MCM5: variants seen among roughly 807,000 people sequenced by gnomAD.
MCM5 encodes the protein minichromosome maintenance complex component 5.
MCM5 carries 46 observed loss-of-function variants against 79.9 expected under a neutral mutation model. That is an observed-to-expected ratio of 0.58 (90% CI 0.45 to 0.74). The LOEUF is 0.74. Among genes scored for constraint, MCM5 ranks in the 30% least tolerant of loss-of-function variants. MCM5 has a pLI of 0.00. For missense variants in MCM5, 883 were observed against 1,017.0 expected (o/e 0.87, Z 1.79); for synonymous variants, 404 against 390.5 (o/e 1.03, Z -0.41).
At chr22:35,449,341 C>T in the MCM5 span, among the ~76,000 whole-genome samples, 2 of 152,170 alleles carry the variant, frequency 1.3e-5, no homozygotes, top group African/African-American at 2.4e-5. Flanking sequence ...GGCCCAGGCT[C>T]CTTGCCCCTA....
the MCM5 span, among the ~76,000 whole-genome samples, chr22:35,435,368 G>T: frequency 3.3e-5 from 5 of 152,136 alleles, no homozygotes; most frequent in Non-Finnish European, 7.3e-5. Flanking sequence ...GTGGGGCCTC[G>T]ATGGGGACTT....
the MCM5 span, among the ~76,000 whole-genome samples, chr22:35,450,667 A>G: frequency 1.3e-5 from 2 of 152,160 alleles, no homozygotes; most frequent in African/African-American, 2.4e-5. Flanking sequence ...AGAAGATCCA[A>G]CCAACAACCC....
In MCM5 at chr22:35,401,322, A is replaced by T. The variant is rs146791778; in HGVS notation, c.167+717A>T. 1.8e-3 allele frequency: 831 copies of T among 453,326 alleles called. 7 individuals carry two copies. The highest frequency in any genetic ancestry group is 5.7e-3 in the South Asian group (360 of 63,268). 28.1% of individuals were successfully genotyped at this position (453,326 alleles called of 1,614,324 possible). On this transcript the variant is annotated intron_variant, in intron 2 of 16. Transcript: ENST00000216122. ...TTCCCTGTAGGTGTAAAAGGTGAAG[A>T]TGGCAGTTAGGATTCACTTCACTTC...
In MCM5 at chr22:35,424,610, G is replaced by C. The variant is rs1932760424; in HGVS notation, c.*355G>C. On this transcript the variant is annotated 3_prime_UTR_variant, in exon 17 of 17. Transcript: ENST00000216122. Reference sequence around the variant, plus strand: ...GCAGACTGGCCAGGGTTTCTGACTTGGATCTGCCACTCAGACTTCTGGGTA... The same window carrying C: ...GCAGACTGGCCAGGGTTTCTGACTTCGATCTGCCACTCAGACTTCTGGGTA... 5.2e-6 allele frequency: 1 copy of C among 191,100 alleles called. No individual in the cohort carries two copies. Among genetic ancestry groups the C allele is most frequent in the African/African-American group, 2.3e-5 (1 of 42,974 alleles). The allele number at this position is 191,100 out of a possible 1,614,324, so 11.8% of individuals were successfully genotyped here.
the MCM5 span, among the ~76,000 whole-genome samples, chr22:35,438,668 T>TCCATCCATCC: frequency 2.9e-5 from 1 of 34,194 alleles, no homozygotes; most frequent in African/African-American, 1.3e-4. Context: ...TCCATCCACA[T>TCCATCCATCC]ATTCACCCAT....
the MCM5 span, among the ~76,000 whole-genome samples, chr22:35,454,310 G>A: frequency 6.6e-6 from 1 of 152,114 alleles, no homozygotes; most frequent in Non-Finnish European, 1.5e-5. Context: ...TTACACCACA[G>A]GGGCGTCCTG....
intron 7 of MCM5, among the ~76,000 whole-genome samples, chr22:35,411,840 A>G (rs1403436646): frequency 1.3e-5 from 2 of 152,148 alleles, no homozygotes; most frequent in Non-Finnish European, 2.9e-5. Context: ...TGACATGTTC[A>G]CTTACATATC....
intron 7 of MCM5, chr22:35,411,286 GA>G (rs1357392119): frequency 5.7e-6 from 1 of 174,906 alleles, no homozygotes; most frequent in African/African-American, 2.4e-5. Flanking sequence ...GACCGCTGGG[GA>G]CATGTGGGTA....
At chr22:35,401,775 C>T (rs1452975593) in intron 2 of MCM5, 1 of 459,838 alleles carries the variant, frequency 2.2e-6, no homozygotes, top group African/African-American at 2.0e-5. Context: ...TGAAGACCAA[C>T]AGATAACTTC....
chr22:35,411,134 CAGA>C (rs1932371952), intron 7 of MCM5: 1 of 414,022 alleles, frequency 2.4e-6, no homozygotes, highest in Non-Finnish European at 4.3e-6. Context: ...AGGATTAAGG[CAGA>C]AGGACTGAGG....
In MCM5 at chr22:35,410,866, C is replaced by T; in HGVS notation, c.875C>T (p.Ser292Phe). ...RDRVGVGIRS[S>F]YIRVLGIQVD... The stretch of plus-strand genomic sequence containing the variant: ...AGGGTGGGCGTGGGCATCCGAAGCT[C>T]CTACATCCGTGTCCTGGGCATCCAG... The change falls in exon 7 of 17, where the codon TCC becomes TTC. Residue 292 changes from serine (S) to phenylalanine (F), a missense_variant. Transcript: ENST00000216122. 6.2e-7 allele frequency: 1 copy of T among 1,612,746 alleles called. No homozygotes were observed. Among genetic ancestry groups the T allele is most frequent in the Non-Finnish European group, 8.5e-7 (1 of 1,178,904 alleles).
the MCM5 span, among the ~76,000 whole-genome samples, chr22:35,451,541 G>A: frequency 6.6e-6 from 1 of 152,250 alleles, no homozygotes; most frequent in African/African-American, 2.4e-5. Context: ...CGGGCCTCGA[G>A]CCTGGCAGTG....
chr22:35,401,719 C>A, intron 2 of MCM5: 1 of 464,764 alleles, frequency 2.2e-6, no homozygotes, highest in East Asian at 6.9e-5. Flanking sequence ...GATGAAAAGA[C>A]GTGCTTCTTG....
the MCM5 span, among the ~76,000 whole-genome samples, chr22:35,438,505 AT>A: frequency 1.3e-5 from 2 of 149,328 alleles, no homozygotes; most frequent in South Asian, 2.1e-4. Flanking sequence ...CCATCCATCC[AT>A]CCATCTATGC....
chr22:35,436,628 C>T, the MCM5 span, among the ~76,000 whole-genome samples: 3 of 152,178 alleles, frequency 2.0e-5, no homozygotes, highest in Non-Finnish European at 4.4e-5. Context: ...TCAATTCCCC[C>T]CTTCACTCTT....
chr22:35,414,470 T>C (rs1275337381), intron 9 of MCM5, among the ~76,000 whole-genome samples: 1 of 151,510 alleles, frequency 6.6e-6, no homozygotes, highest in African/African-American at 2.4e-5. Context: ...AAATACAAAA[T>C]AACTAGCCAG....
the MCM5 span, among the ~76,000 whole-genome samples, chr22:35,448,211 G>A: frequency 2.6e-5 from 4 of 152,196 alleles, no homozygotes; most frequent in African/African-American, 9.6e-5. Context: ...TGATCAAAGC[G>A]CCTGCCTCGT....
the MCM5 span, among the ~76,000 whole-genome samples, chr22:35,445,657 C>T: frequency 6.6e-6 from 1 of 151,938 alleles, no homozygotes; most frequent in Non-Finnish European, 1.5e-5. Context: ...CTACAGGCAC[C>T]CACCACCATG....
At chr22:35,416,066 G>C (rs1932531418) in intron 10 of MCM5, 94 bp downstream of exon 10, 5 of 1,480,872 alleles carry the variant, frequency 3.4e-6, no homozygotes, top group Non-Finnish European at 4.6e-6. Context: ...CTCTGACTTG[G>C]GAGACATGTT....
Sources: allele counts gnomAD v4.1 joint callset (sites outside exome capture counted in the v4.1 genomes callset), GRCh38; gene constraint gnomAD v4.1.1; transcripts MANE v1.5; gene names NCBI Gene and HGNC (gene_info 2026-07-23, HGNC 2026-07-21).